TRIP12: variants seen among roughly 807,000 people sequenced by gnomAD.
The protein encoded by TRIP12 is thyroid hormone receptor interactor 12, also known as E3 ubiquitin-protein ligase TRIP12.
TRIP12 carries 25 observed loss-of-function variants against 244.2 expected under a neutral mutation model. The observed-to-expected ratio is 0.10, with a 90% CI of 0.07 to 0.14. The LOEUF is 0.14. Ranked by LOEUF, TRIP12 falls within the 10% of genes least tolerant of loss-of-function variation. The pLI is 1.00. For synonymous variants in TRIP12, 905 were observed against 873.1 expected, an observed-to-expected ratio of 1.04 and a Z score of -0.64; for missense variants, 1,677 against 2,486.4, an observed-to-expected ratio of 0.67 and a Z score of 6.92.
chr2:229,891,901 G>A (rs1198578915), intron 1 of TRIP12, among the ~76,000 whole-genome samples: 1 of 152,210 alleles, frequency 6.6e-6, no homozygotes, highest in Non-Finnish European at 1.5e-5. Flanking sequence ...TGGAAAAATG[G>A]AGATGATCCG....
rs759956297 is a variant in TRIP12 at position 229,884,971 on chromosome 2, A to C, written c.-49-4843T>G. Among the ~76,000 whole-genome samples, 78 of 152,208 alleles carry C rather than the reference A, an allele frequency of 5.1e-4. 1 individual carries two copies. Among genetic ancestry groups the C allele is most frequent in the Middle Eastern group, 3.2e-3 (1 of 316 alleles). On this transcript the variant is annotated intron_variant, in intron 1 of 41. Transcript: ENST00000675903. ...GGTAACACAAGGAGACCGTCTCAAA[A>C]AAACAAACAAACAAAAAATACAGCC... is the stretch of plus-strand genomic sequence containing the variant.
rs770981141 is a variant in TRIP12, at chr2:229,792,005, G to A, written c.4276C>T (p.His1426Tyr). ...RHRLQFYIGEHLLPYNMTVYQ... is the reference protein window; with the variant it reads ...RHRLQFYIGEYLLPYNMTVYQ... ...ACAGTCATGTTATACGGCAGCAAAT[G>A]TTCTCCAATATAAAACTGCAGCCTG... Residue 1426 changes from histidine (H) to tyrosine (Y), a missense_variant, in exon 29 of 42, where the codon CAT (histidine) becomes TAT (tyrosine). His to Tyr is a moderately conservative substitution (Grantham distance 83). Coordinates refer to ENST00000675903, the MANE Select transcript of TRIP12 (RefSeq NM_001348323.3). The A allele has an allele frequency of 3.1e-6, 5 of 1,614,092 alleles. No individual in the cohort carries two copies. In the Admixed American group the frequency reaches 5.0e-5, roughly 16 times the overall value.
At chr2:229,850,067 T>C (rs181463457) in intron 4 of TRIP12, among the ~76,000 whole-genome samples, 1 of 152,308 alleles carries the variant, frequency 6.6e-6, no homozygotes, top group East Asian at 1.9e-4. Context: ...GTCAAAACCA[T>C]TCCAGAATAC....
intron 1 of TRIP12, among the ~76,000 whole-genome samples, chr2:229,902,944 A>T (rs2071422647): frequency 6.6e-6 from 1 of 151,894 alleles, no homozygotes; most frequent in Non-Finnish European, 1.5e-5. Flanking sequence ...AGAATTTAAA[A>T]GCCAATGGTC....
At chr2:229,913,337 G>A (rs1176208289) in intron 1 of TRIP12, among the ~76,000 whole-genome samples, 1 of 152,120 alleles carries the variant, frequency 6.6e-6, no homozygotes, top group Non-Finnish European at 1.5e-5. Flanking sequence ...AGACAAATAA[G>A]CTGTGATGGA....
intron 32 of TRIP12, among the ~76,000 whole-genome samples, chr2:229,787,996 T>G (rs941258947): frequency 6.6e-6 from 1 of 152,082 alleles, no homozygotes; most frequent in Admixed American, 6.5e-5. Context: ...AGAGACGGGG[T>G]TTCACCATGT....
intron 5 of TRIP12, among the ~76,000 whole-genome samples, chr2:229,839,551 C>T (rs780547150): frequency 3.5e-4 from 53 of 151,984 alleles, no homozygotes; most frequent in Non-Finnish European, 5.6e-4. Flanking sequence ...TGGTGGCGGG[C>T]GCCTATAGTC....
At chr2:229,817,446 T>C (rs947976914) in intron 9 of TRIP12, among the ~76,000 whole-genome samples, 2 of 152,202 alleles carry the variant, frequency 1.3e-5, no homozygotes, top group Non-Finnish European at 2.9e-5. Context: ...GTGCCTACAT[T>C]TGATAATGGC....
At chr2:229,895,991 AAAT>A (rs1341768637) in intron 1 of TRIP12, among the ~76,000 whole-genome samples, 2 of 152,104 alleles carry the variant, frequency 1.3e-5, no homozygotes, top group Non-Finnish European at 2.9e-5. Flanking sequence ...ATCTCTAAAA[AAAT>A]AATAATAAAA....
chr2:229,822,991 C>G (rs1287287699), intron 8 of TRIP12, among the ~76,000 whole-genome samples: 1 of 152,014 alleles, frequency 6.6e-6, no homozygotes, highest in African/African-American at 2.4e-5. Context: ...AAAAACTGAT[C>G]AATAGGAAGT....
chr2:229,842,925 G>A (rs1401201173), intron 4 of TRIP12, among the ~76,000 whole-genome samples: 1 of 152,040 alleles, frequency 6.6e-6, no homozygotes, highest in Non-Finnish European at 1.5e-5. Context: ...CTTATTGTGA[G>A]TGGTTCAGAG....
chr2:229,804,650 T>C (rs1301721739), intron 18 of TRIP12, among the ~76,000 whole-genome samples: 1 of 152,220 alleles, frequency 6.6e-6, no homozygotes, highest in African/African-American at 2.4e-5. Context: ...CTTTGCTTAG[T>C]GACATAAAGT....
chr2:229,807,063 A>G (rs958279054), intron 17 of TRIP12, among the ~76,000 whole-genome samples: 5 of 152,234 alleles, frequency 3.3e-5, no homozygotes, highest in African/African-American at 1.2e-4. Context: ...GTAAAAATAA[A>G]AATCACATAA....
chr2:229,795,654 T>A (rs191404125), intron 25 of TRIP12, among the ~76,000 whole-genome samples: 276 of 152,360 alleles, frequency 1.8e-3, no homozygotes, highest in Non-Finnish European at 2.5e-3. Context: ...AGAATATTCA[T>A]GTTATGCTAT....
rs1371792711 is a variant in TRIP12, at chr2:229,811,000, G to C, written c.2101C>G (p.Gln701Glu). The change falls in exon 15 of 42, where the codon CAA becomes GAA. Residue 701 changes from glutamine (Q) to glutamate (E), a missense_variant. By Grantham distance (29) the Gln-to-Glu change is conservative (BLOSUM62 2). Coordinates refer to ENST00000675903, the MANE Select transcript of TRIP12 (RefSeq NM_001348323.3). Reference sequence around the variant, plus strand: ...GGTGGAGTCACTACCAACAGCTGTTGAACATTTGTAAGCAGATCTTTGGAA... The same window carrying C: ...GGTGGAGTCACTACCAACAGCTGTTCAACATTTGTAAGCAGATCTTTGGAA... ...VASKDLLTNV[Q>E]QLLVVTPPIL... 8 of 1,614,052 alleles carry C rather than the reference G, an allele frequency of 5.0e-6. No individual in the cohort carries two copies. Among genetic ancestry groups the C allele is most frequent in the Non-Finnish European group, 6.8e-6 (8 of 1,179,990 alleles).
At chr2:229,825,622 A>C (rs745959200) in intron 8 of TRIP12, among the ~76,000 whole-genome samples, 4 of 152,198 alleles carry the variant, frequency 2.6e-5, no homozygotes, top group Admixed American at 1.3e-4. Flanking sequence ...AAACCATCGG[A>C]TCTAGTGAGA....
At chr2:229,904,951 TTCTGTGAA>T (rs2072259575) in intron 1 of TRIP12, among the ~76,000 whole-genome samples, 1 of 152,166 alleles carries the variant, frequency 6.6e-6, no homozygotes, top group Non-Finnish European at 1.5e-5. Flanking sequence ...TCTGAAGCTT[TTCTGTGAA>T]TCTGAAACTG....
At chr2:229,831,827 C>G (rs1280086704) in intron 6 of TRIP12, among the ~76,000 whole-genome samples, 2 of 150,310 alleles carry the variant, frequency 1.3e-5, no homozygotes, top group African/African-American at 4.9e-5. Context: ...GCAAAACTAG[C>G]AGTTAATTGT....
Position 229,864,004 on chromosome 2 carries a change from AAGAGAGAGAGAG to A in TRIP12, c.99-3485_99-3474del, listed in dbSNP as rs1163408528. On this transcript the variant is annotated intron_variant, in intron 2 of 41. Transcript: ENST00000675903. ...AATTATAGCCCAAAGATTTGGGTGA[AAGAGAGAGAGAG>A]AGAGAGAGAGAGAGAGAGAGAGAGA... Among the ~76,000 whole-genome samples the A allele has an allele frequency of 7.4e-5, 6 of 81,370 alleles. No individual in the cohort carries two copies. The East Asian group carries it at 1.3e-3, about 18-fold the overall frequency. The allele number at this position is 81,370 out of a possible 152,430, so 53.4% of individuals were successfully genotyped here. A position where few individuals can be genotyped will look rare whatever the true frequency, so the allele number is the denominator to read the frequency against.
Sources: allele counts gnomAD v4.1 joint callset (sites outside exome capture counted in the v4.1 genomes callset), GRCh38; gene constraint gnomAD v4.1.1; transcripts MANE v1.5; gene names NCBI Gene and HGNC (gene_info 2026-07-23, HGNC 2026-07-21).